Variants in PDE8A observed in about 807,000 individuals in gnomAD.
The protein encoded by PDE8A is phosphodiesterase 8A.
In PDE8A, 59 loss-of-function variants were observed where a neutral mutation model predicts 105.0. That is an observed-to-expected ratio of 0.56 (90% CI 0.46 to 0.70). PDE8A has a LOEUF of 0.70. PDE8A is among the 30% of genes least tolerant of loss of function. PDE8A has a pLI of 0.00. For synonymous variants in PDE8A, 355 were observed against 371.9 expected, an observed-to-expected ratio of 0.95 and a Z score of 0.52; for missense variants, 1,014 against 1,045.9, an observed-to-expected ratio of 0.97 and a Z score of 0.42.
At chr15:85,015,084 A>T (rs777494582) in intron 1 of PDE8A, among the ~76,000 whole-genome samples, 1 of 152,096 alleles carries the variant, frequency 6.6e-6, no homozygotes, top group African/African-American at 2.4e-5. Flanking sequence ...AGGTTCATCC[A>T]TGTTTTATTA....
chr15:85,080,866 A>T (rs559957974), intron 5 of PDE8A, among the ~76,000 whole-genome samples: 1 of 152,302 alleles, frequency 6.6e-6, no homozygotes, highest in Non-Finnish European at 1.5e-5. Flanking sequence ...CCCTGTGAGG[A>T]CACGTCCATG....
chr15:85,083,226 C>G (rs2304417), intron 5 of PDE8A, among the ~76,000 whole-genome samples: 1 of 152,074 alleles, frequency 6.6e-6, no homozygotes, highest in Non-Finnish European at 1.5e-5. Context: ...AATGAATTTC[C>G]TCCTCCACAT....
intron 1 of PDE8A, among the ~76,000 whole-genome samples, chr15:85,033,122 A>G (rs67184540): frequency 0.1 from 15,268 of 152,250 alleles, 1,382 homozygotes; most frequent in African/African-American, 0.25. Flanking sequence ...AAGTTCTTCA[A>G]AGATTGAACC....
chr15:85,042,314 A>G (rs1170581363), intron 1 of PDE8A, among the ~76,000 whole-genome samples: 4 of 152,056 alleles, frequency 2.6e-5, no homozygotes, highest in Admixed American at 2.0e-4. Flanking sequence ...GTCTTAGACT[A>G]CAGGTATGTA....
At chr15:85,087,898 T>C (rs1300400422) in intron 6 of PDE8A, among the ~76,000 whole-genome samples, 1 of 152,216 alleles carries the variant, frequency 6.6e-6, no homozygotes, top group Non-Finnish European at 1.5e-5. Flanking sequence ...TAGATTTTTT[T>C]CTATAAAATA....
chr15:85,013,765 G>GTTGC (rs1276456823), intron 1 of PDE8A, among the ~76,000 whole-genome samples: 1 of 152,216 alleles, frequency 6.6e-6, no homozygotes, highest in Non-Finnish European at 1.5e-5. Context: ...CTCTCTTGAG[G>GTTGC]TTGCAGTCAG....
chr15:85,072,952 AAC>A (rs1417389748), intron 3 of PDE8A, among the ~76,000 whole-genome samples: 1 of 146,828 alleles, frequency 6.8e-6, no homozygotes, highest in Non-Finnish European at 1.5e-5. Flanking sequence ...ATCTTTACAA[AAC>A]ATCAAAAAAT....
intron 17 of PDE8A, chr15:85,120,140 C>CAAAAAAAAAA (rs57092975): frequency 7.4e-6 from 1 of 135,708 alleles, no homozygotes; most frequent in African/African-American, 2.6e-5. Context: ...AGTAAAAAAA[C>CAAAAAAAAAA]AAAAAAAAAA....
chr15:85,095,213 C>G (rs1393635148), intron 8 of PDE8A, among the ~76,000 whole-genome samples: 1 of 152,120 alleles, frequency 6.6e-6, no homozygotes, highest in Admixed American at 6.5e-5. Flanking sequence ...CACCTGCACC[C>G]AAACCAGCTC....
intron 8 of PDE8A, among the ~76,000 whole-genome samples, chr15:85,095,104 C>T (rs2081720921): frequency 6.6e-6 from 1 of 152,084 alleles, no homozygotes; most frequent in South Asian, 2.1e-4. Flanking sequence ...GGGACTGCAT[C>T]AATAGCTTGG....
rs2082258931 is a variant in PDE8A, at chr15:85,126,345, G to A, written c.2224G>A (p.Ala742Thr). The A allele has an allele frequency of 1.9e-6, 3 of 1,590,594 alleles. No individual in the cohort carries two copies. The highest frequency in any genetic ancestry group is 1.4e-5 in the African/African-American group (1 of 73,834). ...CCTGCAGTACTGCATCGAGTGGGCT[G>A]CACGCATTTCGGAAGAATATTTTTC... The part of the protein sequence containing the change: ...RPLQYCIEWA[A>T]RISEEYFSQT... Residue 742 changes from alanine to threonine, a missense_variant, in exon 20 of 22, where the codon GCA (alanine) becomes ACA (threonine). By Grantham distance (58) the Ala-to-Thr change is moderately conservative (BLOSUM62 0). Coordinates refer to ENST00000394553, the MANE Select transcript of PDE8A (RefSeq NM_002605.3).
intron 1 of PDE8A, among the ~76,000 whole-genome samples, chr15:85,051,454 T>C (rs775492409): frequency 6.6e-6 from 1 of 152,150 alleles, no homozygotes; most frequent in African/African-American, 2.4e-5. Context: ...TTTAAAAAAT[T>C]TGTTTAAAAA....
chr15:85,024,581 A>G (rs1596453035), intron 1 of PDE8A, among the ~76,000 whole-genome samples: 2 of 148,760 alleles, frequency 1.3e-5, no homozygotes, highest in Non-Finnish European at 1.5e-5. Flanking sequence ...TATTACTCCT[A>G]CTGCGTAGGC....
intron 5 of PDE8A, 109 bp downstream of exon 5, chr15:85,076,896 T>C (rs1202066344): frequency 5.1e-6 from 4 of 790,052 alleles, no homozygotes; most frequent in Non-Finnish European, 8.8e-6. Flanking sequence ...AAAAAAATTG[T>C]CTGGCCAGGC....
chr15:85,104,638 A>G (rs2081920249), intron 11 of PDE8A, among the ~76,000 whole-genome samples: 1 of 152,160 alleles, frequency 6.6e-6, no homozygotes, highest in African/African-American at 2.4e-5. Flanking sequence ...ACACCAAGAT[A>G]TCTAGCTTGG....
chr15:85,061,289 A>G (rs2081140442), intron 1 of PDE8A, among the ~76,000 whole-genome samples: 1 of 151,732 alleles, frequency 6.6e-6, no homozygotes, highest in Non-Finnish European at 1.5e-5. Context: ...GCTGGAGTGC[A>G]ATGGTGCAGT....
intron 1 of PDE8A, among the ~76,000 whole-genome samples, chr15:85,014,629 A>G (rs750869602): frequency 1.3e-5 from 2 of 152,176 alleles, no homozygotes; most frequent in African/African-American, 4.8e-5. Context: ...CTTATTACCT[A>G]TATTGATGTT....
At chr15:85,054,208 G>T (rs951849355) in intron 1 of PDE8A, among the ~76,000 whole-genome samples, 6 of 152,186 alleles carry the variant, frequency 3.9e-5, no homozygotes, top group Non-Finnish European at 5.9e-5. Flanking sequence ...TGTGCTGCTG[G>T]ATTCAGTTTG....
At chr15:85,061,993 G>A (rs1288043006) in intron 1 of PDE8A, among the ~76,000 whole-genome samples, 1 of 151,604 alleles carries the variant, frequency 6.6e-6, no homozygotes, top group Non-Finnish European at 1.5e-5. Context: ...CATGTTGTTC[G>A]TACATCATTT....
Sources: allele counts gnomAD v4.1 joint callset (sites outside exome capture counted in the v4.1 genomes callset), GRCh38; gene constraint gnomAD v4.1.1; transcripts MANE v1.5; gene names NCBI Gene and HGNC (gene_info 2026-07-23, HGNC 2026-07-21).